GRID1: variants seen among roughly 807,000 people sequenced by gnomAD.
GRID1 encodes the protein glutamate receptor ionotropic, delta-1.
Under a neutral mutation model 98.0 loss-of-function variants are expected in GRID1, and 28 were observed. The observed-to-expected ratio is 0.29, with a 90% confidence interval of 0.21 to 0.39. The LOEUF (loss-of-function observed/expected upper bound fraction) is 0.39, where lower values mean the gene tolerates loss of function less well. Ranked by LOEUF, GRID1 falls within the 10% of genes least tolerant of loss-of-function variation. The pLI, the probability that GRID1 is intolerant of heterozygous loss-of-function variation, is 1.00. For synonymous variants in GRID1, 553 were observed against 538.5 expected, an observed-to-expected ratio of 1.03 and a Z score of -0.37; for missense variants, 1,111 against 1,340.5, an observed-to-expected ratio of 0.83 and a Z score of 2.67.
rs116085480 is a variant in GRID1, at chr10:85,625,223, T to C, written c.2194-5190A>G. 2.2e-3 allele frequency among the ~76,000 whole-genome samples: 334 copies of C among 152,290 alleles called. 2 individuals carry two copies. Among genetic ancestry groups the C allele is most frequent in the African/African-American group, 7.4e-3 (306 of 41,558 alleles). ...TAACCTTGTTTCACAGTTTGTTCTA[T>C]CATGCATGACACAGACAACTAATCC... On this transcript the variant is annotated intron_variant, in intron 13 of 15. Transcript: ENST00000327946.
At position 85,942,231 on chromosome 10, in the gene GRID1, C is replaced by T. The variant is rs533584144; in HGVS notation, c.727-25992G>A. On this transcript the variant is annotated intron_variant, in intron 4 of 15. Coordinates refer to ENST00000327946, the MANE Select transcript of GRID1 (RefSeq NM_017551.3). ...GGGACACGTGGAAAGCTTCCAGATGCTATCCTGTGCTCCCCTGGGAGGGGC... is the reference window on the plus strand; with the variant it reads ...GGGACACGTGGAAAGCTTCCAGATGTTATCCTGTGCTCCCCTGGGAGGGGC... Among the ~76,000 whole-genome samples, 7 of 152,348 alleles carry T rather than the reference C, an allele frequency of 4.6e-5. No homozygotes were observed. In the South Asian group the frequency reaches 1.4e-3, roughly 32 times the overall value.
At chr10:86,045,747 G>A (rs1049339034) in intron 4 of GRID1, among the ~76,000 whole-genome samples, 2 of 152,304 alleles carry the variant, frequency 1.3e-5, no homozygotes, top group East Asian at 1.9e-4. Context: ...CAATCTTCAT[G>A]ACCAATTGTC....
At chr10:86,331,229 G>A (rs1301036924) in intron 2 of GRID1, among the ~76,000 whole-genome samples, 1 of 152,180 alleles carries the variant, frequency 6.6e-6, no homozygotes, top group Non-Finnish European at 1.5e-5. Flanking sequence ...AGAGTATCAT[G>A]GCCTCTTTAA....
At chr10:85,894,141 A>G (rs1841244663) in intron 5 of GRID1, among the ~76,000 whole-genome samples, 1 of 152,218 alleles carries the variant, frequency 6.6e-6, no homozygotes, top group African/African-American at 2.4e-5. Flanking sequence ...GGTCAATGAA[A>G]CAGAAAAGAA....
chr10:86,296,081 A>G (rs967635672), intron 2 of GRID1, among the ~76,000 whole-genome samples: 5 of 152,314 alleles, frequency 3.3e-5, no homozygotes, highest in South Asian at 2.1e-4. Context: ...CCCTGAGTTA[A>G]CTACAGTGGC....
intron 4 of GRID1, among the ~76,000 whole-genome samples, chr10:86,130,092 T>G (rs1259421251): frequency 2.0e-5 from 3 of 152,248 alleles, no homozygotes; most frequent in African/African-American, 7.2e-5. Flanking sequence ...CCAGCCCAGA[T>G]GCATGAGCCA....
intron 2 of GRID1, among the ~76,000 whole-genome samples, chr10:86,338,688 G>A (rs768233326): frequency 2.0e-5 from 3 of 152,272 alleles, no homozygotes; most frequent in East Asian, 3.9e-4. Context: ...CTCCCGAGTA[G>A]CTGAGATTAC....
chr10:86,085,881 G>T (rs930590521), intron 4 of GRID1, among the ~76,000 whole-genome samples: 14 of 151,994 alleles, frequency 9.2e-5, no homozygotes, highest in African/African-American at 2.7e-4. Context: ...CTCTCCCACT[G>T]CCATCGGGAC....
intron 8 of GRID1, among the ~76,000 whole-genome samples, chr10:85,781,818 AC>A (rs369353306): frequency 0.019 from 2,882 of 150,842 alleles, 86 homozygotes; most frequent in Admixed American, 0.073. Context: ...AAAAAAAAAA[AC>A]CAAAAACTAG....
chr10:85,707,930 A>G (rs1165466459), intron 12 of GRID1, among the ~76,000 whole-genome samples: 1 of 151,878 alleles, frequency 6.6e-6, no homozygotes, highest in Non-Finnish European at 1.5e-5. Flanking sequence ...ACATGGACAC[A>G]GGAAGGGGAA....
Position 85,601,965 on chromosome 10 carries a change from G to C in GRID1, c.*308C>G. The C allele has an allele frequency of 3.6e-6, 1 of 281,520 alleles. No individual in the cohort carries two copies. Among genetic ancestry groups the C allele is most frequent in the Admixed American group, 4.7e-5 (1 of 21,176 alleles). The allele number at this position is 281,520 out of a possible 1,614,324, so 17.4% of individuals were successfully genotyped here. On this transcript the variant is annotated 3_prime_UTR_variant, in exon 16 of 16. Coordinates refer to ENST00000327946, the MANE Select transcript of GRID1 (RefSeq NM_017551.3). ...TGCCCTCAGAAAGGCCCAGGAATGGGGGGGCTCCTTTGGCACTTCAGAATG... is the reference window on the plus strand; with the variant it reads ...TGCCCTCAGAAAGGCCCAGGAATGGCGGGGCTCCTTTGGCACTTCAGAATG...
At chr10:86,318,813 G>A (rs1847932299) in intron 2 of GRID1, among the ~76,000 whole-genome samples, 1 of 152,212 alleles carries the variant, frequency 6.6e-6, no homozygotes, top group South Asian at 2.1e-4. Flanking sequence ...AGATTCACCT[G>A]AGAACCAGAC....
At chr10:86,307,107 G>T (rs546471435) in intron 2 of GRID1, among the ~76,000 whole-genome samples, 84 of 152,256 alleles carry the variant, frequency 5.5e-4, no homozygotes, top group African/African-American at 1.9e-3. Context: ...GTTGGTAATA[G>T]CCATTATGGA....
chr10:86,043,471 C>T (rs1843376191), intron 4 of GRID1, among the ~76,000 whole-genome samples: 1 of 152,214 alleles, frequency 6.6e-6, no homozygotes, highest in African/African-American at 2.4e-5. Context: ...CAGGCCTGAG[C>T]CTGCAGCTCT....
At chr10:85,848,257 T>C (rs1337224197) in intron 8 of GRID1, among the ~76,000 whole-genome samples, 1 of 152,112 alleles carries the variant, frequency 6.6e-6, no homozygotes, top group African/African-American at 2.4e-5. Context: ...AAAAGAATTA[T>C]TATTCTTGTT....
At chr10:86,309,334 C>T (rs1481410820) in intron 2 of GRID1, among the ~76,000 whole-genome samples, 1 of 152,148 alleles carries the variant, frequency 6.6e-6, no homozygotes, top group Non-Finnish European at 1.5e-5. Context: ...CAATAATTAA[C>T]AAAACCATAG....
At chr10:85,649,529 TACAA>T (rs777413091) in intron 12 of GRID1, among the ~76,000 whole-genome samples, 2 of 151,862 alleles carry the variant, frequency 1.3e-5, no homozygotes, top group African/African-American at 4.8e-5. Context: ...CTCATGGTAA[TACAA>T]ACAAACACGA....
intron 3 of GRID1, among the ~76,000 whole-genome samples, chr10:86,188,127 G>A (rs1157594939): frequency 2.0e-5 from 3 of 152,210 alleles, no homozygotes; most frequent in Non-Finnish European, 4.4e-5. Context: ...AGCGTGTATG[G>A]CTCCTACATG....
At chr10:85,827,039 C>T (rs1479474913) in intron 8 of GRID1, among the ~76,000 whole-genome samples, 1 of 152,190 alleles carries the variant, frequency 6.6e-6, no homozygotes, top group Non-Finnish European at 1.5e-5. Context: ...AGAACCAGTG[C>T]AAGAACTCTA....
Sources: gnomAD v4.1 joint callset for allele counts (sites outside exome capture counted in the v4.1 genomes callset) on GRCh38, gnomAD v4.1.1 for gene constraint, MANE v1.5 for transcripts, NCBI Gene and HGNC (gene_info 2026-07-23, HGNC 2026-07-21) for gene names.